The following GLI3 variants were observed in gnomAD, a reference collection of about 807,000 sequenced individuals.
GLI3 encodes the protein GLI family zinc finger 3, also known as transcription activator GLI3.
GLI3 carries 20 observed loss-of-function variants against 100.8 expected under a neutral mutation model. The ratio of observed to expected loss-of-function variants is 0.20; its 90% CI spans 0.14 to 0.29. The LOEUF is 0.29. Ranked by LOEUF, GLI3 falls within the 10% of genes least tolerant of loss-of-function variation. The pLI is 1.00. For missense variants in GLI3, 2,040 were observed against 2,128.5 expected (o/e 0.96, Z 0.82); for synonymous variants, 938 against 860.5 (o/e 1.09, Z -1.58).
At position 42,100,578 on chromosome 7, in the gene GLI3, T is replaced by TTA. The variant is rs397933376; in HGVS notation, c.368-23722_368-23721insTA. On this transcript the variant is annotated intron_variant, in intron 3 of 14. Transcript: ENST00000395925. ...TGGTAAAACCCCGTCTCTACAAACA[T>TTA]AAAAAAAAAAAAAAATAGCCAGGTG... Among the ~76,000 whole-genome samples, 15 of 110,730 alleles carry TTA rather than the reference T, an allele frequency of 1.4e-4. 1 individual carries two copies. Among genetic ancestry groups the TTA allele is most frequent in the African/African-American group, 3.1e-4 (9 of 29,162 alleles). The allele number at this position is 110,730 out of a possible 152,430, so 72.6% of individuals were successfully genotyped here. A position where few individuals can be genotyped will look rare whatever the true frequency, so the allele number is the denominator to read the frequency against.
intron 3 of GLI3, 84 bp downstream of exon 3, chr7:42,148,141 AC>A (rs1786764591): frequency 1.6e-5 from 6 of 382,102 alleles, no homozygotes; most frequent in African/African-American, 2.7e-5. Flanking sequence ...GCGCGCACAC[AC>A]ACACACACAC....
At chr7:42,060,758 A>G (rs1784551053) in intron 4 of GLI3, among the ~76,000 whole-genome samples, 1 of 152,152 alleles carries the variant, frequency 6.6e-6, no homozygotes, top group South Asian at 2.1e-4. Context: ...GGCTCCTCAA[A>G]CAACTAAGTC....
chr7:42,114,330 G>A (rs1785792924), intron 3 of GLI3, among the ~76,000 whole-genome samples: 1 of 152,168 alleles, frequency 6.6e-6, no homozygotes, highest in Non-Finnish European at 1.5e-5. Context: ...GAAGAAGGGA[G>A]TTTGAAAGTT....
At chr7:42,026,897 C>T (rs1789133452) in intron 7 of GLI3, among the ~76,000 whole-genome samples, 1 of 152,166 alleles carries the variant, frequency 6.6e-6, no homozygotes, top group Non-Finnish European at 1.5e-5. Flanking sequence ...TGTCATATCA[C>T]TCATTTGTTT....
chr7:42,022,091 A>C (rs1788959239), intron 10 of GLI3, among the ~76,000 whole-genome samples: 1 of 152,222 alleles, frequency 6.6e-6, no homozygotes, highest in Admixed American at 6.5e-5. Flanking sequence ...CTTAATTAAA[A>C]ACATTTGACT....
chr7:42,163,675 C>A (rs560139581), intron 2 of GLI3, among the ~76,000 whole-genome samples: 133 of 152,274 alleles, frequency 8.7e-4, no homozygotes, highest in African/African-American at 3.1e-3. Context: ...GGTGATCCAC[C>A]CGCCTCAGCC....
intron 1 of GLI3, among the ~76,000 whole-genome samples, chr7:42,261,804 G>A (rs1789142955): frequency 6.6e-6 from 1 of 152,066 alleles, no homozygotes; most frequent in Non-Finnish European, 1.5e-5. Flanking sequence ...GAATTGAAAA[G>A]TGAGTTGAAG....
intron 3 of GLI3, among the ~76,000 whole-genome samples, chr7:42,116,028 C>A (rs1785845513): frequency 6.6e-6 from 1 of 152,014 alleles, no homozygotes; most frequent in Non-Finnish European, 1.5e-5. Context: ...ACAGAGCAGC[C>A]TGGGCAACAC....
intron 3 of GLI3, among the ~76,000 whole-genome samples, chr7:42,141,314 T>A (rs1786562071): frequency 6.6e-6 from 1 of 152,170 alleles, no homozygotes; most frequent in Non-Finnish European, 1.5e-5. Context: ...AATCTTACAG[T>A]ACTTAAAATT....
At chr7:42,101,830 T>C (rs1212922864) in intron 3 of GLI3, among the ~76,000 whole-genome samples, 1 of 100,760 alleles carries the variant, frequency 9.9e-6, no homozygotes, top group African/African-American at 6.2e-5. Flanking sequence ...ATGCTATCCC[T>C]CCACCCTCTC....
At chr7:42,070,634 C>T (rs1784765899) in intron 4 of GLI3, among the ~76,000 whole-genome samples, 2 of 152,192 alleles carry the variant, frequency 1.3e-5, no homozygotes, top group African/African-American at 4.8e-5. Flanking sequence ...ATTATGACTA[C>T]ATAAAGTCTT....
intron 2 of GLI3, among the ~76,000 whole-genome samples, chr7:42,185,388 T>C (rs536989765): frequency 5.9e-5 from 9 of 152,376 alleles, no homozygotes; most frequent in African/African-American, 2.2e-4. Context: ...CTCTCCCGCA[T>C]CTTTTTCCTG....
Position 41,972,014 on chromosome 7 carries a change from G to T in GLI3, c.2103+323C>A, listed in dbSNP as rs1265858891. ...TGGGGTCACCAGGGCAAAGAAGACAGAAAGCATGTTTACAGGAAGAGTCAA... is the reference window on the plus strand; with the variant it reads ...TGGGGTCACCAGGGCAAAGAAGACATAAAGCATGTTTACAGGAAGAGTCAA... On this transcript the variant is annotated intron_variant, in intron 13 of 14. Coordinates refer to ENST00000395925, the MANE Select transcript of GLI3 (RefSeq NM_000168.6). The surrounding 1 kb of genome is among the most constrained non-coding windows in gnomAD (Gnocchi z 4.4). 6.6e-6 allele frequency among the ~76,000 whole-genome samples: 1 copy of T among 152,184 alleles called. No individual in the cohort carries two copies. Among genetic ancestry groups the T allele is most frequent in the Non-Finnish European group, 1.5e-5 (1 of 68,028 alleles).
At chr7:42,157,490 C>G (rs1193770304) in intron 2 of GLI3, among the ~76,000 whole-genome samples, 1 of 152,202 alleles carries the variant, frequency 6.6e-6, no homozygotes, top group Non-Finnish European at 1.5e-5. Flanking sequence ...GGAGTTCACT[C>G]ACTTAGCCAC....
chr7:42,183,101 G>A (rs1164112430), intron 2 of GLI3, among the ~76,000 whole-genome samples: 2 of 152,040 alleles, frequency 1.3e-5, no homozygotes, highest in Non-Finnish European at 2.9e-5. Flanking sequence ...GCGCACACCT[G>A]TAGTCCCAGC....
chr7:42,162,821 G>A (rs898614106), intron 2 of GLI3, among the ~76,000 whole-genome samples: 2 of 152,118 alleles, frequency 1.3e-5, no homozygotes, highest in Non-Finnish European at 1.5e-5. Flanking sequence ...TTGTCACAAA[G>A]AAGCAGCTTC....
chr7:42,085,752 C>T (rs1785090047), intron 3 of GLI3, among the ~76,000 whole-genome samples: 1 of 152,174 alleles, frequency 6.6e-6, no homozygotes, highest in Non-Finnish European at 1.5e-5. Flanking sequence ...TCTCAGGCAG[C>T]ACAAATGCAA....
chr7:42,237,592 T>G (rs1211478683), upstream of GLI3, among the ~76,000 whole-genome samples: 1 of 148,904 alleles, frequency 6.7e-6, no homozygotes, highest in Non-Finnish European at 1.5e-5. Context: ...CCCGCGCTCC[T>G]CCTCCCCCAA....
chr7:42,228,363 G>C (rs567669622), intron 1 of GLI3, among the ~76,000 whole-genome samples: 1 of 152,226 alleles, frequency 6.6e-6, no homozygotes, highest in Non-Finnish European at 1.5e-5. Flanking sequence ...GCCAGGCCGC[G>C]GGAAAAGTGA....
Sources: gnomAD v4.1 joint callset for allele counts (sites outside exome capture counted in the v4.1 genomes callset) on GRCh38, gnomAD v4.1.1 for gene constraint, Gnocchi (gnomAD v3.1) non-coding constraint, MANE v1.5 for transcripts, NCBI Gene and HGNC (gene_info 2026-07-23, HGNC 2026-07-21) for gene names.